LUZP1: variants seen among roughly 807,000 people sequenced by gnomAD.
The protein encoded by LUZP1 is filamin mechanobinding actin cross-linking protein.
A neutral mutation model predicts 71.3 loss-of-function variants in LUZP1; 25 were observed. The observed-to-expected ratio is 0.35, with a 90% CI of 0.26 to 0.49. LUZP1 has a LOEUF of 0.49. LUZP1 is among the 20% of genes least tolerant of loss of function. The pLI is 0.99. For missense variants in LUZP1, 1,142 were observed against 1,300.8 expected (o/e 0.88, Z 1.88); for synonymous variants, 481 against 506.4 (o/e 0.95, Z 0.67).
At chr1:23,173,958 C>G (rs12405002) in intron 1 of LUZP1, among the ~76,000 whole-genome samples, 21,048 of 152,022 alleles carry the variant, frequency 0.14, 1,805 homozygotes, top group South Asian at 0.32. Flanking sequence ...ATGACAAGGC[C>G]AGGACAAAAA....
intron 1 of LUZP1, among the ~76,000 whole-genome samples, chr1:23,172,897 G>A (rs924003403): frequency 1.3e-5 from 2 of 151,530 alleles, no homozygotes; most frequent in African/African-American, 4.8e-5. Flanking sequence ...GCAGTGGTGC[G>A]ATCTCGGCTC....
intron 2 of LUZP1, among the ~76,000 whole-genome samples, chr1:23,113,823 T>G (rs1199376781): frequency 6.6e-6 from 1 of 150,604 alleles, no homozygotes; most frequent in Non-Finnish European, 1.5e-5. Context: ...GAGCTTGCAG[T>G]GAGCCGAGAT....
chr1:23,143,296 C>T (rs867458871), intron 2 of LUZP1, among the ~76,000 whole-genome samples: 15 of 152,214 alleles, frequency 9.9e-5, no homozygotes, highest in Middle Eastern at 3.4e-3. Flanking sequence ...CATGAGCCAC[C>T]GTACCTGGTC....
chr1:23,173,042 C>T (rs1171947320), intron 1 of LUZP1, among the ~76,000 whole-genome samples: 1 of 151,384 alleles, frequency 6.6e-6, no homozygotes, highest in Non-Finnish European at 1.5e-5. Flanking sequence ...AGGCTGGTCT[C>T]GAACTCCTGA....
chr1:23,160,669 T>A (rs1178390652), intron 2 of LUZP1, among the ~76,000 whole-genome samples: 1 of 152,228 alleles, frequency 6.6e-6, no homozygotes, highest in Admixed American at 6.5e-5. Flanking sequence ...TCATTGGTCA[T>A]CAAAAACTCT....
chr1:23,121,001 T>C (rs576799621), intron 2 of LUZP1, among the ~76,000 whole-genome samples: 8 of 152,264 alleles, frequency 5.3e-5, no homozygotes, highest in African/African-American at 1.9e-4. Flanking sequence ...TCCATAAAAA[T>C]CAGTTACCCA....
intron 3 of LUZP1, among the ~76,000 whole-genome samples, chr1:23,103,769 A>T (rs1238449461): frequency 6.7e-6 from 1 of 148,992 alleles, no homozygotes; most frequent in Non-Finnish European, 1.5e-5. Flanking sequence ...CGCCCCTTGA[A>T]CAGTGCCTAG....
chr1:23,156,438 T>G (rs1644421262), intron 2 of LUZP1, among the ~76,000 whole-genome samples: 1 of 152,158 alleles, frequency 6.6e-6, no homozygotes, highest in African/African-American at 2.4e-5. Flanking sequence ...ATTTCACCCT[T>G]TAATTATACT....
chr1:23,103,843 G>A (rs1162935595), intron 3 of LUZP1, among the ~76,000 whole-genome samples: 1 of 2,652 alleles, frequency 3.8e-4, no homozygotes, highest in Non-Finnish European at 8.8e-4. Context: ...AGGGAGAGAG[G>A]GAGGGAGGGA....
At chr1:23,151,788 G>C (rs778779895) in intron 2 of LUZP1, among the ~76,000 whole-genome samples, 1 of 152,110 alleles carries the variant, frequency 6.6e-6, no homozygotes, top group African/African-American at 2.4e-5. Context: ...TGGATCACAA[G>C]GTCAGGAGTT....
intron 2 of LUZP1, among the ~76,000 whole-genome samples, chr1:23,160,179 G>T (rs1212566379): frequency 6.6e-6 from 1 of 152,120 alleles, no homozygotes; most frequent in East Asian, 1.9e-4. Context: ...ATTTAAATTT[G>T]CATTTAAATT....
At chr1:23,156,250 T>C (rs1178336592) in intron 2 of LUZP1, among the ~76,000 whole-genome samples, 2 of 151,958 alleles carry the variant, frequency 1.3e-5, no homozygotes, top group East Asian at 1.9e-4. Flanking sequence ...CATGGTGGCA[T>C]GAGCCTGTAA....
intron 2 of LUZP1, among the ~76,000 whole-genome samples, chr1:23,128,091 G>A (rs34028270): frequency 1 from 152,138 of 152,140 alleles, 76,068 homozygotes; most frequent in Non-Finnish European, 1. Flanking sequence ...AGATCACGCC[G>A]CTGCACTCCA....
chr1:23,095,881 G>A (rs1643889328), intron 3 of LUZP1, among the ~76,000 whole-genome samples: 1 of 152,094 alleles, frequency 6.6e-6, no homozygotes, highest in Non-Finnish European at 1.5e-5. Flanking sequence ...ATATCCCTGG[G>A]AAACCTAGCT....
chr1:23,151,113 G>A (rs930477669), intron 2 of LUZP1, among the ~76,000 whole-genome samples: 2 of 151,918 alleles, frequency 1.3e-5, no homozygotes, highest in Admixed American at 6.6e-5. Flanking sequence ...GTGCAATCTC[G>A]GCTCACTGCA....
chr1:23,152,134 CTGT>C (rs1644389819), intron 2 of LUZP1, among the ~76,000 whole-genome samples: 1 of 151,972 alleles, frequency 6.6e-6, no homozygotes, highest in Non-Finnish European at 1.5e-5. Flanking sequence ...TTATTGGTTA[CTGT>C]TGTTAATACA....
At chr1:23,095,877 C>T (rs2124605320) in intron 3 of LUZP1, among the ~76,000 whole-genome samples, 1 of 152,230 alleles carries the variant, frequency 6.6e-6, no homozygotes, top group East Asian at 1.9e-4. Context: ...AGTAATATCC[C>T]TGGGAAACCT....
intron 2 of LUZP1, among the ~76,000 whole-genome samples, chr1:23,149,155 A>G (rs1429286114): frequency 1.3e-5 from 2 of 151,978 alleles, no homozygotes; most frequent in African/African-American, 4.8e-5. Flanking sequence ...AAACAACATA[A>G]GACTTTTTAC....
exon 5 of LUZP1, chr1:23,087,073 A>T (rs1643777069): frequency 6.6e-6 from 1 of 152,142 alleles, no homozygotes; most frequent in Non-Finnish European, 1.5e-5. Context: ...GATGCACAGG[A>T]ACAGGAGATA....
Sources: allele counts gnomAD v4.1 joint callset (sites outside exome capture counted in the v4.1 genomes callset), GRCh38; gene constraint gnomAD v4.1.1; transcripts MANE v1.5; gene names NCBI Gene and HGNC (gene_info 2026-07-23, HGNC 2026-07-21).